Variants in PRKN observed in about 807,000 individuals in gnomAD.
PRKN encodes the protein parkin RBR E3 ubiquitin protein ligase, also known as E3 ubiquitin-protein ligase parkin.
Under a neutral mutation model 59.5 loss-of-function variants are expected in PRKN, and 56 were observed. That is an observed-to-expected ratio of 0.94 (90% CI 0.76 to 1.18). The LOEUF (loss-of-function observed/expected upper bound fraction) is 1.18, where lower values mean the gene tolerates loss of function less well. PRKN is among the 50% of genes most tolerant of loss of function. PRKN has a pLI of 0.00. For missense variants in PRKN, 657 were observed against 596.4 expected (o/e 1.10, Z -1.06); for synonymous variants, 250 against 222.1 (o/e 1.13, Z -1.12).
intron 1 of PRKN, among the ~76,000 whole-genome samples, chr6:162,600,008 A>G (rs1033323556): frequency 2.6e-4 from 40 of 152,194 alleles, no homozygotes; most frequent in African/African-American, 8.0e-4. Context: ...TCATTTATGT[A>G]CAGCAAAATG....
chr6:162,548,823 T>G (rs1954803), intron 1 of PRKN, among the ~76,000 whole-genome samples: 152,178 of 152,254 alleles, frequency 1, 76,051 homozygotes, highest in Non-Finnish European at 1. Context: ...GTTAAATAAC[T>G]TGACATTTTA....
chr6:162,224,545 GCATGTGGGGAAGGA>G (rs931467741), intron 3 of PRKN, among the ~76,000 whole-genome samples: 1 of 152,166 alleles, frequency 6.6e-6, no homozygotes, highest in Non-Finnish European at 1.5e-5. Context: ...CCACTAATGT[GCATGTGGGGAAGGA>G]CAAGTTGGAG....
chr6:162,067,478 A>T (rs2023065), intron 4 of PRKN, among the ~76,000 whole-genome samples: 45,937 of 152,114 alleles, frequency 0.3, 7,691 homozygotes, highest in East Asian at 0.63. Flanking sequence ...CTTATAATAC[A>T]TCAGGGAATA....
intron 2 of PRKN, among the ~76,000 whole-genome samples, chr6:162,403,857 A>T: frequency 6.6e-6 from 1 of 152,188 alleles, no homozygotes; most frequent in East Asian, 1.9e-4. Context: ...AAATGGGTCC[A>T]GGTGGCTCAC....
rs140781536 is a variant in PRKN, at chr6:161,683,098, A to G, written c.871+102674T>C. 5.0e-3 allele frequency among the ~76,000 whole-genome samples: 759 copies of G among 152,316 alleles called. 6 individuals carry two copies. Among genetic ancestry groups the G allele is most frequent in the African/African-American group, 0.017 (727 of 41,574 alleles). On this transcript the variant is annotated intron_variant, in intron 7 of 11. Coordinates refer to ENST00000366898, the MANE Select transcript of PRKN (RefSeq NM_004562.3). ...GGCACGACCTACGTGCCCTTTACTCATCTGGCAAGGGCCCAAGCTGAGTGA... is the reference window on the plus strand; with the variant it reads ...GGCACGACCTACGTGCCCTTTACTCGTCTGGCAAGGGCCCAAGCTGAGTGA...
At chr6:162,034,178 T>C (rs1783748814) in intron 5 of PRKN, among the ~76,000 whole-genome samples, 1 of 123,480 alleles carries the variant, frequency 8.1e-6, no homozygotes, top group Non-Finnish European at 1.6e-5. Flanking sequence ...CATATATATA[T>C]ATATATATAG....
chr6:162,711,230 T>C (rs1019236856), intron 1 of PRKN, among the ~76,000 whole-genome samples: 2 of 152,190 alleles, frequency 1.3e-5, no homozygotes, highest in African/African-American at 4.8e-5. Context: ...CTGCTGTAAA[T>C]GACTTGTCTG....
chr6:162,689,636 T>C (rs1161743977), intron 1 of PRKN, among the ~76,000 whole-genome samples: 3 of 152,162 alleles, frequency 2.0e-5, no homozygotes, highest in Non-Finnish European at 4.4e-5. Flanking sequence ...ACATGAAGCA[T>C]CCTAATGTCT....
intron 6 of PRKN, among the ~76,000 whole-genome samples, chr6:161,850,456 G>A (rs1009976375): frequency 6.6e-6 from 1 of 151,356 alleles, no homozygotes; most frequent in African/African-American, 2.4e-5. Flanking sequence ...CGCGGCTGTA[G>A]TCCCGGCTAC....
intron 6 of PRKN, among the ~76,000 whole-genome samples, chr6:161,843,120 T>C (rs1793057155): frequency 6.6e-6 from 1 of 152,180 alleles, no homozygotes; most frequent in African/African-American, 2.4e-5. Flanking sequence ...TAAGGGTTAA[T>C]AATTTATAGT....
intron 7 of PRKN, among the ~76,000 whole-genome samples, chr6:161,765,541 C>A (rs1337785049): frequency 6.6e-6 from 1 of 152,106 alleles, no homozygotes; most frequent in African/African-American, 2.4e-5. Context: ...GTTAAGCATA[C>A]TTTATAGGTA....
rs1786969097 is a variant in PRKN at position 161,400,304 on chromosome 6, C to A, written c.1084-13427G>T. 6.6e-6 allele frequency among the ~76,000 whole-genome samples: 1 copy of A among 151,238 alleles called. No homozygotes were observed. Among genetic ancestry groups the A allele is most frequent in the South Asian group, 2.1e-4 (1 of 4,790 alleles). On this transcript the variant is annotated intron_variant, in intron 9 of 11. Transcript: ENST00000366898. The surrounding 1 kb of genome is among the most constrained non-coding windows in gnomAD (Gnocchi z 4.2). ...ACATGGGGAAGATTAGAAAATTAAA[C>A]CTAATCTTTTTTTTTTTTTTGAGAT... is the stretch of plus-strand genomic sequence containing the variant.
intron 2 of PRKN, among the ~76,000 whole-genome samples, chr6:162,396,106 G>C (rs1329319433): frequency 1.3e-5 from 2 of 151,888 alleles, no homozygotes; most frequent in African/African-American, 4.8e-5. Context: ...CTTAAGCTGA[G>C]TTAAGAGTTA....
At chr6:162,511,687 AC>A (rs1225352952) in intron 1 of PRKN, among the ~76,000 whole-genome samples, 1 of 151,992 alleles carries the variant, frequency 6.6e-6, no homozygotes, top group African/African-American at 2.4e-5. Flanking sequence ...ACTAGTACTC[AC>A]CCCAGACCAC....
intron 9 of PRKN, among the ~76,000 whole-genome samples, 168 bp from the exon 10 acceptor site, chr6:161,387,045 G>T (rs1411991058): frequency 1.3e-5 from 2 of 152,138 alleles, no homozygotes; most frequent in African/African-American, 2.4e-5. Context: ...TGATGGGATT[G>T]TTCACTCTTT....
At chr6:161,906,818 A>C (rs1021384312) in intron 6 of PRKN, among the ~76,000 whole-genome samples, 39 of 151,958 alleles carry the variant, frequency 2.6e-4, no homozygotes, top group Non-Finnish European at 1.5e-5. Context: ...AAAGCCCCGA[A>C]GCTGAAGAAC....
intron 6 of PRKN, among the ~76,000 whole-genome samples, chr6:161,855,451 T>C (rs1282945014): frequency 6.6e-6 from 1 of 152,224 alleles, no homozygotes; most frequent in Non-Finnish European, 1.5e-5. Context: ...TATCTAAAAA[T>C]CATTGATTCA....
intron 1 of PRKN, among the ~76,000 whole-genome samples, chr6:162,579,499 CAA>C (rs1780696024): frequency 6.6e-6 from 1 of 150,942 alleles, no homozygotes; most frequent in Non-Finnish European, 1.5e-5. Flanking sequence ...GATTTACACA[CAA>C]AGTTCACACA....
intron 1 of PRKN, among the ~76,000 whole-genome samples, chr6:162,656,390 C>T (rs931895137): frequency 4.6e-5 from 7 of 152,196 alleles, no homozygotes; most frequent in African/African-American, 1.7e-4. Context: ...AGTTATCTGA[C>T]ATTTTATGAT....
Sources: allele counts gnomAD v4.1 joint callset (sites outside exome capture counted in the v4.1 genomes callset), GRCh38; gene constraint gnomAD v4.1.1; non-coding constraint Gnocchi (gnomAD v3.1); transcripts MANE v1.5; gene names NCBI Gene and HGNC (gene_info 2026-07-23, HGNC 2026-07-21).